Variants in C6 observed in about 807,000 individuals in gnomAD.
C6 encodes the protein complement component C6.
Under a neutral mutation model 112.9 loss-of-function variants are expected in C6, and 101 were observed. The observed-to-expected ratio is 0.89, with a 90% CI of 0.76 to 1.06. The LOEUF (loss-of-function observed/expected upper bound fraction) is 1.06. Ranked by LOEUF, C6 falls within the 50% of genes least tolerant of loss-of-function variation. The pLI is 0.00. For missense variants in C6, 1,202 were observed against 1,104.6 expected, an observed-to-expected ratio of 1.09 and a Z score of -1.25; for synonymous variants, 431 against 384.1, an observed-to-expected ratio of 1.12 and a Z score of -1.43.
chr5:41,194,063 C>G (rs575480326), intron 5 of C6, among the ~76,000 whole-genome samples: 2 of 152,226 alleles, frequency 1.3e-5, no homozygotes, highest in African/African-American at 4.8e-5. Context: ...CCATCTGTAA[C>G]TCTAGAGTCT....
intron 6 of C6, among the ~76,000 whole-genome samples, chr5:41,184,379 C>T (rs2150330098): frequency 6.6e-6 from 1 of 152,210 alleles, no homozygotes; most frequent in African/African-American, 2.4e-5. Flanking sequence ...ACTATAAGAG[C>T]CAGAAGCCAG....
intron 10 of C6, 80 bp downstream of exon 10, chr5:41,161,613 A>G (rs1747510182): frequency 8.8e-7 from 1 of 1,137,498 alleles, no homozygotes; most frequent in Non-Finnish European, 1.3e-6. Context: ...AAGAAAATGG[A>G]AAATAAATTG....
At chr5:41,219,953 G>C (rs1015900337) in intron 1 of C6, among the ~76,000 whole-genome samples, 1 of 152,112 alleles carries the variant, frequency 6.6e-6, no homozygotes, top group African/African-American at 2.4e-5. Context: ...CATATTATCA[G>C]GAGTGTGGCC....
rs373196043 is a variant in C6, at chr5:41,203,267, C to T, written c.-20-17G>A. The T allele has an allele frequency of 5.8e-5, 93 of 1,612,662 alleles. No homozygotes were observed. The highest frequency in any genetic ancestry group is 7.6e-5 in the Non-Finnish European group (90 of 1,179,000). On this transcript the variant is annotated splice_polypyrimidine_tract_variant and intron_variant, in intron 1 of 17. Coordinates refer to ENST00000337836, the MANE Select transcript of C6 (RefSeq NM_000065.5). ...CTCCAGGCCCTAAAATGAAAGAATA[C>T]ATAACACATATCAAATGCTTTTTTG...
intron 6 of C6, among the ~76,000 whole-genome samples, chr5:41,185,035 T>C: frequency 6.6e-6 from 1 of 152,330 alleles, no homozygotes; most frequent in Non-Finnish European, 1.5e-5. Flanking sequence ...ATTTTGAAAG[T>C]AAACTTGTGG....
chr5:41,254,918 G>C (rs1741589452), intron 1 of C6, among the ~76,000 whole-genome samples: 1 of 152,196 alleles, frequency 6.6e-6, no homozygotes, highest in Non-Finnish European at 1.5e-5. Flanking sequence ...GACAGGTATA[G>C]AGGGATTGTG....
At chr5:41,240,338 C>T (rs1160072708) in intron 1 of C6, among the ~76,000 whole-genome samples, 2 of 152,030 alleles carry the variant, frequency 1.3e-5, no homozygotes, top group Non-Finnish European at 2.9e-5. Context: ...CTGGTGGTAG[C>T]AGGTTTAGGC....
intron 1 of C6, among the ~76,000 whole-genome samples, chr5:41,253,414 T>C (rs556381387): frequency 6.6e-6 from 1 of 152,226 alleles, no homozygotes; most frequent in African/African-American, 2.4e-5. Flanking sequence ...TCCTTTTTGT[T>C]ACCCTGCCCT....
chr5:41,145,038 A>G (rs1358900252), intron 17 of C6, among the ~76,000 whole-genome samples: 6 of 152,218 alleles, frequency 3.9e-5, no homozygotes, highest in South Asian at 2.1e-4. Flanking sequence ...TGGTGCTACA[A>G]TAAAATACCT....
intron 1 of C6, among the ~76,000 whole-genome samples, chr5:41,204,170 CT>C (rs1217079713): frequency 6.6e-6 from 1 of 152,152 alleles, no homozygotes. Context: ...ATAGTAGTAA[CT>C]TTTACTTTAA....
Position 41,145,412 on chromosome 5 carries a change from G to A in C6, c.2624-2406C>T, listed in dbSNP as rs142608881. 2.4e-3 allele frequency among the ~76,000 whole-genome samples: 371 copies of A among 152,238 alleles called. 4 individuals carry two copies. In the East Asian group the frequency reaches 0.053, roughly 22 times the overall value. On this transcript the variant is annotated intron_variant, in intron 17 of 17. Transcript: ENST00000337836. ...CTCAATTAATTCTTCTGGATCAACC[G>A]ACTTGAAATTCTGAATTGTGCATGC...
At chr5:41,154,832 T>C in intron 14 of C6, 140 bp downstream of exon 14, 1 of 854,248 alleles carries the variant, frequency 1.2e-6, no homozygotes, top group South Asian at 1.4e-5. Context: ...TTCTATTTAT[T>C]TTCTGCTTCA....
chr5:41,184,348 A>C (rs1237400133), intron 6 of C6, among the ~76,000 whole-genome samples: 1 of 152,176 alleles, frequency 6.6e-6, no homozygotes, highest in African/African-American at 2.4e-5. Context: ...CAAATGTCTC[A>C]TCTAACATAG....
At chr5:41,195,534 A>G (rs1467479489) in intron 5 of C6, among the ~76,000 whole-genome samples, 2 of 152,214 alleles carry the variant, frequency 1.3e-5, no homozygotes, top group Non-Finnish European at 2.9e-5. Flanking sequence ...TGTATGAGAA[A>G]TAAAACAAGC....
intron 5 of C6, among the ~76,000 whole-genome samples, chr5:41,191,689 T>G (rs1750226870): frequency 6.6e-6 from 1 of 152,174 alleles, no homozygotes; most frequent in South Asian, 2.1e-4. Flanking sequence ...CTCTCTTGAT[T>G]TCTTTTCCCT....
In C6 at chr5:41,154,004, A is replaced by G; in HGVS notation, c.2102-6T>C. On this transcript the variant is annotated splice_polypyrimidine_tract_variant and splice_region_variant and intron_variant, in intron 14 of 17. Transcript: ENST00000337836. ...TGGCTTGATGCACTCCGTCCCTGCAAGAGAGCAACATTTCATATGTGTTTA... is the reference window on the plus strand; with the variant it reads ...TGGCTTGATGCACTCCGTCCCTGCAGGAGAGCAACATTTCATATGTGTTTA... The G allele has an allele frequency of 1.9e-6, 3 of 1,613,106 alleles. No individual in the cohort carries two copies. The highest frequency in any genetic ancestry group is 2.5e-6 in the Non-Finnish European group (3 of 1,179,294).
chr5:41,205,625 A>G (rs1751376154), intron 1 of C6, among the ~76,000 whole-genome samples: 1 of 152,220 alleles, frequency 6.6e-6, no homozygotes, highest in African/African-American at 2.4e-5. Flanking sequence ...TCTCACAGCT[A>G]GCACAGCAGT....
At chr5:41,165,617 T>C (rs1314983024) in intron 9 of C6, among the ~76,000 whole-genome samples, 2 of 152,174 alleles carry the variant, frequency 1.3e-5, no homozygotes, top group African/African-American at 4.8e-5. Flanking sequence ...ACAATTTTCC[T>C]ATATTATATG....
chr5:41,223,053 T>C (rs965635770), intron 1 of C6, among the ~76,000 whole-genome samples: 4 of 152,248 alleles, frequency 2.6e-5, no homozygotes, highest in Non-Finnish European at 5.9e-5. Context: ...ATCTAAATTA[T>C]GTAATTTATG....
Sources: gnomAD v4.1 joint callset for allele counts (sites outside exome capture counted in the v4.1 genomes callset) on GRCh38, gnomAD v4.1.1 for gene constraint, MANE v1.5 for transcripts, NCBI Gene and HGNC (gene_info 2026-07-23, HGNC 2026-07-21) for gene names.